Variants in UGT2B28 observed in about 807,000 individuals in gnomAD.
UGT2B28 encodes UDP glucuronosyltransferase family 2 member B28, also known as UDP-glucuronosyltransferase 2B28.
UGT2B28 carries 45 observed loss-of-function variants against 43.6 expected under a neutral mutation model. That is an observed-to-expected ratio of 1.03 (90% CI 0.81 to 1.32). The LOEUF is 1.32. Ranked by LOEUF, UGT2B28 falls within the 40% of genes most tolerant of loss-of-function variation. The pLI is 0.00. For synonymous variants in UGT2B28, 204 were observed against 208.1 expected (o/e 0.98, Z 0.17); for missense variants, 649 against 625.5 (o/e 1.04, Z -0.40).
At chr4:69,284,638 A>G (rs1723717211) in intron 2 of UGT2B28, among the ~76,000 whole-genome samples, 1 of 140,248 alleles carries the variant, frequency 7.1e-6, no homozygotes, top group Non-Finnish European at 1.5e-5. Context: ...GTGTAAAAGG[A>G]CAAGAAAAAA....
In UGT2B28 at chr4:69,289,771, A is replaced by G. The variant is rs1577996196; in HGVS notation, c.1090+19A>G. ...CTTCTAGGTAACACTCTGGTGAACA[A>G]ATACTGGATATATTAGTAACTGCAC... On this transcript the variant is annotated intron_variant, in intron 4 of 5. Coordinates refer to ENST00000335568, the MANE Select transcript of UGT2B28 (RefSeq NM_053039.2). 6.6e-7 allele frequency: 1 copy of G among 1,509,786 alleles called. No individual in the cohort carries two copies. The highest frequency in any genetic ancestry group is 8.9e-7 in the Non-Finnish European group (1 of 1,120,028). 93.5% of individuals were successfully genotyped at this position (1,509,786 alleles called of 1,614,324 possible). A position where few individuals can be genotyped will look rare whatever the true frequency, so the allele number is the denominator to read the frequency against.
At chr4:69,281,257 ACTTATTTGTGT>A in intron 1 of UGT2B28, 36 bp downstream of exon 1, 2 of 1,460,910 alleles carry the variant, frequency 1.4e-6, no homozygotes, top group Non-Finnish European at 1.8e-6. Context: ...TGAAGATCTA[ACTTATTTGTGT>A]CTTTGAAGCA....
rs770002317 is a variant in UGT2B28 at position 69,293,816 on chromosome 4, G to C, written c.1311-714G>C. 6.3e-4 allele frequency among the ~76,000 whole-genome samples: 89 copies of C among 140,412 alleles called. 13 individuals carry two copies. The highest frequency in any genetic ancestry group is 5.0e-4 in the Admixed American group (7 of 13,962). 92.1% of individuals were successfully genotyped at this position (140,412 alleles called of 152,430 possible). A position where few individuals can be genotyped will look rare whatever the true frequency, so the allele number is the denominator to read the frequency against. On this transcript the variant is annotated intron_variant, in intron 5 of 5. Coordinates refer to ENST00000335568, the MANE Select transcript of UGT2B28 (RefSeq NM_053039.2). ...ACAGAGTTGAATTTTATGATTAAAA[G>C]AATGAGAAGCCAGGCAAAAATCTTA...
chr4:69,288,203 G>A (rs1723837075), intron 3 of UGT2B28, among the ~76,000 whole-genome samples: 1 of 138,018 alleles, frequency 7.2e-6, no homozygotes, highest in Non-Finnish European at 1.5e-5. Flanking sequence ...CTGAATTTGT[G>A]GCAAAAATTG....
rs1335903791 is a variant in UGT2B28, at chr4:69,293,768, T to C, written c.1311-762T>C. Reference sequence around the variant, plus strand: ...AAAAGAGCTTGCCAGTGTCTTAAAATGTAGGGTTCTGTAGACCAAATAACA... The same window carrying C: ...AAAAGAGCTTGCCAGTGTCTTAAAACGTAGGGTTCTGTAGACCAAATAACA... On this transcript the variant is annotated intron_variant, in intron 5 of 5. Transcript: ENST00000335568. 1.4e-5 allele frequency among the ~76,000 whole-genome samples: 2 copies of C among 140,376 alleles called. 1 individual carries two copies. The highest frequency in any genetic ancestry group is 5.6e-5 in the African/African-American group (2 of 35,846). The allele number at this position is 140,376 out of a possible 152,430, so 92.1% of individuals were successfully genotyped here. A position where few individuals can be genotyped will look rare whatever the true frequency, so the allele number is the denominator to read the frequency against.
In UGT2B28 at chr4:69,282,391, A is replaced by G. The variant is rs1026341592; in HGVS notation, c.722-123A>G. On this transcript the variant is annotated intron_variant, in intron 1 of 5. Transcript: ENST00000335568. ...TATTCATATACATGAATATATGTAT[A>G]TATTTTTCAAAGCACACAAACTTTA... The G allele has an allele frequency of 1.5e-5, 15 of 968,448 alleles. 3 individuals are homozygous for G. The highest frequency in any genetic ancestry group is 7.5e-5 in the Admixed American group (2 of 26,682). 60.0% of individuals were successfully genotyped at this position (968,448 alleles called of 1,614,324 possible).
At chr4:69,290,355 C>A (rs573304319) in intron 4 of UGT2B28, among the ~76,000 whole-genome samples, 1 of 140,054 alleles carries the variant, frequency 7.1e-6, no homozygotes, top group South Asian at 2.4e-4. Flanking sequence ...CTAGAATGCA[C>A]TTTTCATTAG....
At chr4:69,284,111 A>T (rs1723701176) in intron 2 of UGT2B28, among the ~76,000 whole-genome samples, 1 of 140,222 alleles carries the variant, frequency 7.1e-6, no homozygotes, top group Non-Finnish European at 1.5e-5. Context: ...CTGCCATATG[A>T]CAAGCAACTC....
chr4:69,289,822 A>G lies in UGT2B28; in HGVS notation c.1090+70A>G, dbSNP rs932478497. ...ATTAGAATGTTAATAGTTTATCTTG[A>G]AACATGCTTATTGAATATTTATTAT... On this transcript the variant is annotated intron_variant, in intron 4 of 5. Coordinates refer to ENST00000335568, the MANE Select transcript of UGT2B28 (RefSeq NM_053039.2). 33 of 1,362,728 alleles carry G rather than the reference A, an allele frequency of 2.4e-5. 4 individuals are homozygous for G. The highest frequency in any genetic ancestry group is 3.3e-5 in the Non-Finnish European group (33 of 1,009,380). 84.4% of individuals were successfully genotyped at this position (1,362,728 alleles called of 1,614,324 possible). A position where few individuals can be genotyped will look rare whatever the true frequency, so the allele number is the denominator to read the frequency against.
chr4:69,294,995 A>T lies in UGT2B28; in HGVS notation c.*186A>T. The stretch of plus-strand genomic sequence containing the variant: ...ATTTACCACCCAGGTAATGGTTAGA[A>T]ATATTCTGTGGCAATGAAGAAAACA... On this transcript the variant is annotated 3_prime_UTR_variant, in exon 6 of 6. Coordinates refer to ENST00000335568, the MANE Select transcript of UGT2B28 (RefSeq NM_053039.2). The T allele has an allele frequency of 1.4e-6, 1 of 736,186 alleles. No individual in the cohort carries two copies. Among genetic ancestry groups the T allele is most frequent in the Non-Finnish European group, 1.9e-6 (1 of 530,108 alleles). The allele number at this position is 736,186 out of a possible 1,614,324, so 45.6% of individuals were successfully genotyped here. A position where few individuals can be genotyped will look rare whatever the true frequency, so the allele number is the denominator to read the frequency against.
chr4:69,288,190 A>T (rs1723836705), intron 3 of UGT2B28, among the ~76,000 whole-genome samples: 1 of 138,974 alleles, frequency 7.2e-6, no homozygotes, highest in Non-Finnish European at 1.5e-5. Flanking sequence ...TACTGGTAAT[A>T]TTCTGAATTT....
chr4:69,287,473 G>A (rs1439035628), intron 3 of UGT2B28, among the ~76,000 whole-genome samples: 1 of 140,584 alleles, frequency 7.1e-6, no homozygotes, highest in East Asian at 2.0e-4. Context: ...TACAATTAAG[G>A]AATGTACTAT....
rs1233258195 is a variant in UGT2B28 at position 69,292,609 on chromosome 4, C to T, written c.1310+1798C>T. ...AATACAATTAACAAATGGATTCTTACAATCTAAAATGATATACAAACACAT... is the reference window on the plus strand; with the variant it reads ...AATACAATTAACAAATGGATTCTTATAATCTAAAATGATATACAAACACAT... On this transcript the variant is annotated intron_variant, in intron 5 of 5. Transcript: ENST00000335568. Among the ~76,000 whole-genome samples the T allele has an allele frequency of 6.4e-5, 9 of 140,038 alleles. 4 individuals carry two copies. The highest frequency in any genetic ancestry group is 1.7e-4 in the African/African-American group (6 of 35,886). The allele number at this position is 140,038 out of a possible 152,430, so 91.9% of individuals were successfully genotyped here.
chr4:69,288,756 T>A (rs1723854218), intron 3 of UGT2B28, among the ~76,000 whole-genome samples: 1 of 138,768 alleles, frequency 7.2e-6, no homozygotes, highest in East Asian at 2.1e-4. Flanking sequence ...CCCTCCACCA[T>A]CCTATACATC....
chr4:69,283,493 T>C (rs13146763), intron 2 of UGT2B28, among the ~76,000 whole-genome samples: 62,346 of 138,450 alleles, frequency 0.45, 19,707 homozygotes, highest in Non-Finnish European at 0.53. Context: ...GCCAACCATT[T>C]AGGAAATTTT....
At position 69,284,741 on chromosome 4, in the gene UGT2B28, C is replaced by T. The variant is rs1409991315; in HGVS notation, c.871-2011C>T. Among the ~76,000 whole-genome samples the T allele has an allele frequency of 2.1e-5, 3 of 140,496 alleles. 1 individual carries two copies. The highest frequency in any genetic ancestry group is 8.3e-5 in the African/African-American group (3 of 35,992). 92.2% of individuals were successfully genotyped at this position (140,496 alleles called of 152,430 possible). Reference sequence around the variant, plus strand: ...TGAATGCAAGTCAATGGTTGTGAAACCAGTTATTTAACTGTTTATTATGTA... The same window carrying T: ...TGAATGCAAGTCAATGGTTGTGAAATCAGTTATTTAACTGTTTATTATGTA... On this transcript the variant is annotated intron_variant, in intron 2 of 5. Coordinates refer to ENST00000335568, the MANE Select transcript of UGT2B28 (RefSeq NM_053039.2).
rs765863864 is a variant in UGT2B28 at position 69,280,739 on chromosome 4, C to T, written c.239C>T (p.Ser80Phe). 1.3e-6 allele frequency: 2 copies of T among 1,561,978 alleles called. No individual in the cohort carries two copies. The highest frequency in any genetic ancestry group is 3.0e-5 in the African/African-American group (2 of 66,346). ...FTLKLEVYPT[S>F]LTKTEFENII... ...CTTAAACTCGAAGTTTATCCTACAT[C>T]TTTAACTAAAACTGAATTTGAGAAT... The change falls in exon 1 of 6, where the codon TCT becomes TTT. Residue 80 changes from serine to phenylalanine, a missense_variant. By Grantham distance (155) the Ser-to-Phe change is radical (BLOSUM62 -2). Transcript: ENST00000335568.
intron 5 of UGT2B28, 148 bp downstream of exon 5, chr4:69,290,959 CTGT>C: frequency 8.6e-7 from 1 of 1,157,346 alleles, no homozygotes; most frequent in African/African-American, 1.8e-5. Context: ...TGTTTTTTAT[CTGT>C]TATTTAAAAA....
chr4:69,281,756 T>A (rs1431162872), intron 1 of UGT2B28, among the ~76,000 whole-genome samples: 1 of 140,368 alleles, frequency 7.1e-6, no homozygotes, highest in Non-Finnish European at 1.5e-5. Flanking sequence ...ATTTGAAGTT[T>A]CTAATGTTTC....
Sources: gnomAD v4.1 joint callset for allele counts (sites outside exome capture counted in the v4.1 genomes callset) on GRCh38, gnomAD v4.1.1 for gene constraint, MANE v1.5 for transcripts, NCBI Gene and HGNC (gene_info 2026-07-23, HGNC 2026-07-21) for gene names.